Variants in HSD17B3 observed in about 807,000 individuals in gnomAD.
HSD17B3 encodes 17-beta-hydroxysteroid dehydrogenase type 3.
Under a neutral mutation model 41.1 loss-of-function variants are expected in HSD17B3, and 29 were observed. The ratio of observed to expected loss-of-function variants is 0.71; its 90% CI spans 0.53 to 0.96. The LOEUF (loss-of-function observed/expected upper bound fraction) is 0.96. HSD17B3 is among the 40% of genes least tolerant of loss of function. HSD17B3 has a pLI of 0.00. For missense variants in HSD17B3, 323 were observed against 374.6 expected (o/e 0.86, Z 1.14); for synonymous variants, 126 against 145.6 (o/e 0.87, Z 0.97).
At chr9:96,277,835 G>GCACA (rs3222260) in intron 2 of HSD17B3, among the ~76,000 whole-genome samples, 3,641 of 145,960 alleles carry the variant, frequency 0.025, 76 homozygotes, top group African/African-American at 0.055. Flanking sequence ...GGAAAATGTG[G>GCACA]CACACACACA....
intron 2 of HSD17B3, among the ~76,000 whole-genome samples, chr9:96,273,581 G>A (rs1384729917): frequency 6.6e-6 from 1 of 152,146 alleles, no homozygotes; most frequent in Non-Finnish European, 1.5e-5. Flanking sequence ...ATGGGCCTGC[G>A]TGGAGTCCAC....
chr9:96,254,279 C>A (rs1392636530), intron 3 of HSD17B3, among the ~76,000 whole-genome samples: 3 of 152,120 alleles, frequency 2.0e-5, no homozygotes, highest in African/African-American at 4.8e-5. Context: ...TAAGCATTGT[C>A]CCTCATCCTC....
intron 5 of HSD17B3, chr9:96,250,192 G>A: frequency 8.8e-7 from 1 of 1,139,476 alleles, no homozygotes; most frequent in Non-Finnish European, 1.1e-6. Context: ...GGCTATGGAG[G>A]GCAGGTAAAG....
intron 2 of HSD17B3, among the ~76,000 whole-genome samples, chr9:96,292,759 TAAAGAC>T (rs1827201419): frequency 6.6e-6 from 1 of 151,852 alleles, no homozygotes; most frequent in Non-Finnish European, 1.5e-5. Context: ...TTTTGAAAAA[TAAAGAC>T]AAAGAAAAAA....
intron 2 of HSD17B3, among the ~76,000 whole-genome samples, chr9:96,259,250 G>A (rs1825774005): frequency 2.0e-5 from 3 of 152,166 alleles, no homozygotes; most frequent in Admixed American, 1.3e-4. Flanking sequence ...CATCTGGGTG[G>A]ACAATGAGTT....
intron 2 of HSD17B3, among the ~76,000 whole-genome samples, chr9:96,290,574 C>G (rs1456886154): frequency 6.6e-6 from 1 of 150,792 alleles, no homozygotes; most frequent in Admixed American, 6.7e-5. Flanking sequence ...TGGCTCACAC[C>G]TGTAATCCCA....
At chr9:96,238,079 G>A (rs983379769) in intron 10 of HSD17B3, among the ~76,000 whole-genome samples, 4 of 152,188 alleles carry the variant, frequency 2.6e-5, no homozygotes, top group Non-Finnish European at 4.4e-5. Flanking sequence ...AAGAGGCTGC[G>A]GTGAGTTGTG....
rs770974032 is a variant in HSD17B3, at chr9:96,298,409, A to C, written c.201+7T>G. On this transcript the variant is annotated splice_region_variant and intron_variant, in intron 2 of 10. Transcript: ENST00000375263. ...GGGAGGAGAAAGTCCCCAGGAAGAT[A>C]GCTTACCTCGAACGAGTACGCTTTC... The C allele has an allele frequency of 6.2e-6, 10 of 1,611,694 alleles. No individual in the cohort carries two copies. The highest frequency in any genetic ancestry group is 7.6e-6 in the Non-Finnish European group (9 of 1,177,838).
At chr9:96,242,061 G>C (rs1836480920) in intron 9 of HSD17B3, among the ~76,000 whole-genome samples, 1 of 151,242 alleles carries the variant, frequency 6.6e-6, no homozygotes. Flanking sequence ...AAGTTTTCTA[G>C]GTTTTATTTT....
chr9:96,298,349 G>A (rs1827443678), intron 2 of HSD17B3, 67 bp downstream of exon 2: 1 of 1,197,406 alleles, frequency 8.4e-7, no homozygotes, highest in Non-Finnish European at 1.3e-6. Flanking sequence ...CTAGTGTTGG[G>A]GTGGATGTCT....
chr9:96,256,042 C>T (rs1825643269), intron 2 of HSD17B3, among the ~76,000 whole-genome samples: 1 of 152,114 alleles, frequency 6.6e-6, no homozygotes, highest in South Asian at 2.1e-4. Flanking sequence ...AGAGTTTTTC[C>T]TGAAAGACGA....
At chr9:96,244,279 C>T (rs200293411) in intron 9 of HSD17B3, 50 bp downstream of exon 9, 77 of 1,585,194 alleles carry the variant, frequency 4.9e-5, no homozygotes, top group African/African-American at 1.3e-4. Context: ...GACTCACAGC[C>T]GCCCACCTCA....
intron 2 of HSD17B3, among the ~76,000 whole-genome samples, chr9:96,265,768 G>A (rs993150544): frequency 6.6e-5 from 10 of 152,204 alleles, no homozygotes; most frequent in African/African-American, 2.2e-4. Context: ...ATCCTGGATT[G>A]CTTAATAAAA....
chr9:96,295,570 G>A (rs1360229543), intron 2 of HSD17B3, among the ~76,000 whole-genome samples: 4 of 150,930 alleles, frequency 2.7e-5, no homozygotes, highest in African/African-American at 9.7e-5. Flanking sequence ...CCTGACCTCA[G>A]GTGATCCACC....
intron 2 of HSD17B3, among the ~76,000 whole-genome samples, chr9:96,258,741 C>T (rs769272558): frequency 2.6e-5 from 4 of 152,112 alleles, no homozygotes; most frequent in Middle Eastern, 3.4e-3. Flanking sequence ...TTGTCTTACC[C>T]GTAAGTATAT....
intron 2 of HSD17B3, among the ~76,000 whole-genome samples, chr9:96,261,738 G>A (rs1825869498): frequency 6.6e-6 from 1 of 152,194 alleles, no homozygotes; most frequent in Non-Finnish European, 1.5e-5. Context: ...CCTCTTCTTT[G>A]TCCTCCCTCC....
chr9:96,262,477 C>T (rs55977112), intron 2 of HSD17B3, among the ~76,000 whole-genome samples: 181 of 151,958 alleles, frequency 1.2e-3, no homozygotes, highest in African/African-American at 3.3e-3. Flanking sequence ...AACTCCTGAC[C>T]TTGTGATCCA....
chr9:96,278,269 A>G (rs1389582098), intron 2 of HSD17B3, among the ~76,000 whole-genome samples: 1 of 152,218 alleles, frequency 6.6e-6, no homozygotes, highest in Non-Finnish European at 1.5e-5. Context: ...CCCCTCCCAA[A>G]AAAGAACAAG....
At chr9:96,281,813 G>A (rs1826702762) in intron 2 of HSD17B3, among the ~76,000 whole-genome samples, 1 of 152,190 alleles carries the variant, frequency 6.6e-6, no homozygotes, top group Admixed American at 6.5e-5. Flanking sequence ...GCTGCAATGG[G>A]TGGTTTTTTC....
Sources: allele counts gnomAD v4.1 joint callset (sites outside exome capture counted in the v4.1 genomes callset), GRCh38; gene constraint gnomAD v4.1.1; transcripts MANE v1.5; gene names NCBI Gene and HGNC (gene_info 2026-07-23, HGNC 2026-07-21).